ATXN7L1: variants seen among roughly 807,000 people sequenced by gnomAD.
ATXN7L1 encodes the protein ataxin 7 like 1.
Under a neutral mutation model 70.8 loss-of-function variants are expected in ATXN7L1, and 15 were observed. That is an observed-to-expected ratio of 0.21 (90% confidence interval 0.14 to 0.33). The LOEUF is 0.33. ATXN7L1 is among the 10% of genes least tolerant of loss of function. The pLI is 1.00. For missense variants in ATXN7L1, 975 were observed against 1,097.1 expected (o/e 0.89, Z 1.57); for synonymous variants, 440 against 445.1 (o/e 0.99, Z 0.14).
intron 3 of ATXN7L1, among the ~76,000 whole-genome samples, chr7:105,739,550 A>C (rs927152672): frequency 4.6e-5 from 7 of 152,066 alleles, no homozygotes; most frequent in Non-Finnish European, 1.0e-4. Flanking sequence ...TTCTCTAGAA[A>C]CTGGTGGAGT....
At position 105,609,329 on chromosome 7, in the gene ATXN7L1, C is replaced by T. The variant is rs181263223; in HGVS notation, c.2547+1200G>A. Among the ~76,000 whole-genome samples the T allele has an allele frequency of 8.3e-4, 126 of 152,082 alleles. No homozygotes were observed. The East Asian group carries it at 0.02, about 24-fold the overall frequency. On this transcript the variant is annotated intron_variant, in intron 11 of 11. Transcript: ENST00000419735. ...GGATTACAGGTGCGCACCACCATGC[C>T]CAGCTAATTTTGCATTTTTAGTAGA...
chr7:105,803,159 A>T (rs954678935), intron 2 of ATXN7L1, among the ~76,000 whole-genome samples: 7 of 152,222 alleles, frequency 4.6e-5, no homozygotes, highest in Admixed American at 4.6e-4. Flanking sequence ...AATGCAACAC[A>T]CGGGCTTCAC....
At chr7:105,731,022 T>C (rs1796475643) in intron 3 of ATXN7L1, among the ~76,000 whole-genome samples, 1 of 152,130 alleles carries the variant, frequency 6.6e-6, no homozygotes, top group African/African-American at 2.4e-5. Context: ...TGCTTCCAAA[T>C]CTGCAACTTT....
intron 2 of ATXN7L1, among the ~76,000 whole-genome samples, chr7:105,803,365 T>C (rs970167833): frequency 2.6e-5 from 4 of 152,224 alleles, no homozygotes; most frequent in African/African-American, 9.6e-5. Flanking sequence ...TGGGACCCCA[T>C]GAGTCAGTGC....
At chr7:105,856,618 T>C (rs545868988) in intron 2 of ATXN7L1, among the ~76,000 whole-genome samples, 1 of 152,096 alleles carries the variant, frequency 6.6e-6, no homozygotes, top group East Asian at 1.9e-4. Flanking sequence ...TTAAATATTT[T>C]ATTCTTTATA....
intron 2 of ATXN7L1, among the ~76,000 whole-genome samples, chr7:105,835,731 TG>T (rs1173346396): frequency 6.6e-6 from 1 of 152,226 alleles, no homozygotes; most frequent in Non-Finnish European, 1.5e-5. Context: ...AGAGCTTTTC[TG>T]ACCCTTCATA....
intron 7 of ATXN7L1, among the ~76,000 whole-genome samples, chr7:105,632,921 T>TA (rs11417434): frequency 0.6 from 36,259 of 59,994 alleles, 12,876 homozygotes; most frequent in Admixed American, 0.69. Context: ...ATCTTGTCTT[T>TA]AAAAAAAAAA....
At position 105,605,878 on chromosome 7, in the gene ATXN7L1, T is replaced by C. The variant is rs904956340; in HGVS notation, c.*1974A>G. On this transcript the variant is annotated 3_prime_UTR_variant, in exon 12 of 12. Coordinates refer to ENST00000419735, the MANE Select transcript of ATXN7L1 (RefSeq NM_020725.2). ...TGCTTAAACTTTCCTAAGTTTCATATTGTTTCTGAAACTATTCTGGTCAGT... is the reference window on the plus strand; with the variant it reads ...TGCTTAAACTTTCCTAAGTTTCATACTGTTTCTGAAACTATTCTGGTCAGT... 53 of 152,238 alleles carry C rather than the reference T, an allele frequency of 3.5e-4. No homozygotes were observed. The highest frequency in any genetic ancestry group is 7.3e-5 in the Non-Finnish European group (5 of 68,046). The allele number at this position is 152,238 out of a possible 1,614,324, so 9.4% of individuals were successfully genotyped here. A position where few individuals can be genotyped will look rare whatever the true frequency, so the allele number is the denominator to read the frequency against.
chr7:105,642,898 T>A lies in ATXN7L1; in HGVS notation c.802A>T (p.Ile268Leu). Residue 268 changes from isoleucine to leucine, a missense_variant, in exon 5 of 12, where the codon ATA becomes TTA. By Grantham distance (5) the Ile-to-Leu change is conservative. Coordinates refer to ENST00000419735, the MANE Select transcript of ATXN7L1 (RefSeq NM_020725.2). ...GTGCCATTTTGGTGTTTCTTGTCTA[T>A]GGTGGTTGGCAGAATTCCTTTGCCA... The part of the protein sequence containing the change: ...LNGKGILPTT[I>L]DKKHQNGTKN... 6.4e-7 allele frequency: 1 copy of A among 1,551,732 alleles called. No individual in the cohort carries two copies. Among genetic ancestry groups the A allele is most frequent in the Non-Finnish European group, 8.7e-7 (1 of 1,147,008 alleles).
intron 4 of ATXN7L1, chr7:105,649,288 A>G: frequency 1.2e-6 from 1 of 868,778 alleles, no homozygotes; most frequent in Non-Finnish European, 1.4e-6. Flanking sequence ...GCTGTGTCTA[A>G]TATGCTGGGA....
At chr7:105,761,827 CT>C (rs1290538533) in intron 3 of ATXN7L1, among the ~76,000 whole-genome samples, 2 of 152,130 alleles carry the variant, frequency 1.3e-5, no homozygotes, top group Non-Finnish European at 2.9e-5. Flanking sequence ...CATTTTATAG[CT>C]CTTAATACAT....
intron 2 of ATXN7L1, among the ~76,000 whole-genome samples, chr7:105,850,989 C>T (rs975029276): frequency 1.3e-5 from 2 of 152,170 alleles, no homozygotes; most frequent in African/African-American, 4.8e-5. Context: ...TTCACCTAGA[C>T]ACTTCCAAAC....
At chr7:105,819,600 C>G (rs1050372295) in intron 2 of ATXN7L1, 40 of 912,186 alleles carry the variant, frequency 4.4e-5, no homozygotes, top group South Asian at 1.4e-4. Context: ...GGAGGTCGTA[C>G]GCTGTGAGGG....
At chr7:105,742,895 C>G (rs991141828) in intron 3 of ATXN7L1, among the ~76,000 whole-genome samples, 5 of 152,142 alleles carry the variant, frequency 3.3e-5, no homozygotes, top group Non-Finnish European at 7.4e-5. Context: ...CTTCCCTTGA[C>G]GAGTATCTTC....
chr7:105,628,512 G>A (rs1306151893), intron 7 of ATXN7L1, among the ~76,000 whole-genome samples: 2 of 152,002 alleles, frequency 1.3e-5, no homozygotes, highest in Admixed American at 6.6e-5. Flanking sequence ...TTGTGTGGCC[G>A]GGCGCAGTGG....
At chr7:105,800,409 G>A (rs1190525857) in intron 2 of ATXN7L1, among the ~76,000 whole-genome samples, 2 of 152,072 alleles carry the variant, frequency 1.3e-5, no homozygotes. Flanking sequence ...TTCAATTCCC[G>A]CAGAAACAAC....
chr7:105,724,215 A>G (rs1003720278), intron 3 of ATXN7L1, among the ~76,000 whole-genome samples: 1 of 152,104 alleles, frequency 6.6e-6, no homozygotes, highest in Non-Finnish European at 1.5e-5. Flanking sequence ...ATTATTTCCT[A>G]CGTGGTTGGA....
intron 3 of ATXN7L1, among the ~76,000 whole-genome samples, chr7:105,733,311 C>T (rs1264318359): frequency 6.6e-6 from 1 of 152,184 alleles, no homozygotes; most frequent in Non-Finnish European, 1.5e-5. Context: ...ATTTGTCAGT[C>T]CTTTCCATTC....
intron 3 of ATXN7L1, among the ~76,000 whole-genome samples, chr7:105,754,959 C>A (rs1799634432): frequency 6.6e-6 from 1 of 152,166 alleles, no homozygotes; most frequent in Non-Finnish European, 1.5e-5. Flanking sequence ...TACCATCCAG[C>A]CCTGGGGACA....
Sources: allele counts gnomAD v4.1 joint callset (sites outside exome capture counted in the v4.1 genomes callset), GRCh38; gene constraint gnomAD v4.1.1; transcripts MANE v1.5; gene names NCBI Gene and HGNC (gene_info 2026-07-23, HGNC 2026-07-21).